GPHN: variants seen among roughly 807,000 people sequenced by gnomAD.
The protein encoded by GPHN is gephyrin.
GPHN carries 17 observed loss-of-function variants against 95.5 expected under a neutral mutation model. The observed-to-expected ratio is 0.18, with a 90% confidence interval of 0.12 to 0.27. The LOEUF is 0.27. Ranked by LOEUF, GPHN falls within the 10% of genes least tolerant of loss-of-function variation. The probability of loss-of-function intolerance (pLI) is 1.00; values close to 1 mark genes in which losing one functional copy is unlikely to be tolerated. For missense variants in GPHN, 660 were observed against 978.1 expected (o/e 0.67, Z 4.34); for synonymous variants, 320 against 322.5 (o/e 0.99, Z 0.08).
intron 1 of GPHN, among the ~76,000 whole-genome samples, chr14:66,559,009 T>C (rs548347444): frequency 1.3e-5 from 2 of 152,036 alleles, no homozygotes; most frequent in Non-Finnish European, 2.9e-5. Flanking sequence ...GTCCTTGCGA[T>C]AGTTTACTGA....
the GPHN span, chr14:67,222,161 C>A: frequency 4.4e-6 from 1 of 228,716 alleles, no homozygotes; most frequent in Non-Finnish European, 8.4e-6. Flanking sequence ...TAGGACCTGC[C>A]ATCCTTGCTG....
intron 1 of GPHN, among the ~76,000 whole-genome samples, chr14:66,668,230 C>G (rs1238497015): frequency 6.6e-6 from 1 of 152,168 alleles, no homozygotes; most frequent in Non-Finnish European, 1.5e-5. Context: ...GTGGCAATTC[C>G]TCAAAGACCT....
chr14:67,653,399 T>G, the GPHN span: 15 of 1,592,366 alleles, frequency 9.4e-6, no homozygotes, highest in African/African-American at 1.3e-5. Context: ...TGAAAGCCAC[T>G]GAGTTAAGAG....
the GPHN span, among the ~76,000 whole-genome samples, chr14:67,306,335 C>T: frequency 6.6e-6 from 1 of 151,768 alleles, no homozygotes; most frequent in African/African-American, 2.4e-5. Flanking sequence ...TCTTTTCCTT[C>T]TTTTCTCTTT....
At chr14:67,274,071 T>C in the GPHN span, among the ~76,000 whole-genome samples, 1 of 152,200 alleles carries the variant, frequency 6.6e-6, no homozygotes, top group Non-Finnish European at 1.5e-5. Flanking sequence ...ATTCTGTAGG[T>C]TGCCTGTTCA....
chr14:67,491,367 G>A, the GPHN span, among the ~76,000 whole-genome samples: 3 of 152,074 alleles, frequency 2.0e-5, no homozygotes, highest in African/African-American at 4.8e-5. Flanking sequence ...GAGGTTGGAG[G>A]GTGAGGCCAA....
At chr14:67,731,618 TTAATA>T in the GPHN span, among the ~76,000 whole-genome samples, 9 of 151,986 alleles carry the variant, frequency 5.9e-5, no homozygotes, top group African/African-American at 2.2e-4. Context: ...ATATCATATT[TTAATA>T]TAATATGTAA....
the GPHN span, among the ~76,000 whole-genome samples, chr14:67,636,564 T>C: frequency 6.6e-6 from 1 of 152,246 alleles, no homozygotes; most frequent in African/African-American, 2.4e-5. Flanking sequence ...TTCACAGATA[T>C]TGCTAAGGTC....
chr14:66,959,186 T>C (rs114877284), intron 8 of GPHN, among the ~76,000 whole-genome samples: 363 of 152,264 alleles, frequency 2.4e-3, no homozygotes, highest in African/African-American at 8.1e-3. Flanking sequence ...ATCATTGCTT[T>C]ATGTAGTTTT....
chr14:67,559,515 C>T, the GPHN span: 62 of 793,910 alleles, frequency 7.8e-5, no homozygotes, highest in South Asian at 7.2e-4. Context: ...GTCAGTGGCA[C>T]GCACACTTGG....
chr14:66,756,121 G>T (rs945828748), intron 2 of GPHN, among the ~76,000 whole-genome samples: 1 of 152,020 alleles, frequency 6.6e-6, no homozygotes, highest in African/African-American at 2.4e-5. Flanking sequence ...AAAAGTTTTT[G>T]TTGAATATAT....
chr14:67,697,602 T>C, the GPHN span, among the ~76,000 whole-genome samples: 38 of 152,212 alleles, frequency 2.5e-4, no homozygotes, highest in Non-Finnish European at 5.6e-4. Context: ...ATTTTCCCTA[T>C]TTTACAGACA....
chr14:66,656,556 C>A (rs1018799446), intron 1 of GPHN, among the ~76,000 whole-genome samples: 5 of 152,144 alleles, frequency 3.3e-5, no homozygotes, highest in African/African-American at 1.2e-4. Context: ...GGCAATCCTG[C>A]ATCAAGCGAG....
At chr14:66,978,837 C>T (rs778509000) in intron 9 of GPHN, among the ~76,000 whole-genome samples, 4 of 152,110 alleles carry the variant, frequency 2.6e-5, no homozygotes, top group East Asian at 1.9e-4. Flanking sequence ...TATAGCCTTA[C>T]GAAATCTATT....
the GPHN span, among the ~76,000 whole-genome samples, chr14:67,236,374 C>T: frequency 6.6e-6 from 1 of 152,088 alleles, no homozygotes; most frequent in East Asian, 1.9e-4. Context: ...TGGTATAAGA[C>T]CTTTTCTTTC....
chr14:67,727,485 G>GTTTT, the GPHN span: 4 of 259,666 alleles, frequency 1.5e-5, no homozygotes, highest in East Asian at 1.1e-4. Flanking sequence ...TGTTTTTTTT[G>GTTTT]TTTTTTTTTT....
At chr14:67,550,919 CAG>C in the GPHN span, among the ~76,000 whole-genome samples, 1 of 152,208 alleles carries the variant, frequency 6.6e-6, no homozygotes, top group East Asian at 1.9e-4. Flanking sequence ...GAGATACTAA[CAG>C]TACCTGCCTT....
At chr14:66,583,980 A>G (rs1027058159) in intron 1 of GPHN, among the ~76,000 whole-genome samples, 1 of 152,178 alleles carries the variant, frequency 6.6e-6, no homozygotes, top group Non-Finnish European at 1.5e-5. Flanking sequence ...CTTGGGCAGT[A>G]TGGCCATTTT....
chr14:66,815,376 A>T (rs2060920425), intron 3 of GPHN, among the ~76,000 whole-genome samples: 1 of 152,174 alleles, frequency 6.6e-6, no homozygotes, highest in Non-Finnish European at 1.5e-5. Flanking sequence ...AGATTCTCCC[A>T]AGTAAAAATG....
Sources: gnomAD v4.1 joint callset for allele counts (sites outside exome capture counted in the v4.1 genomes callset) on GRCh38, gnomAD v4.1.1 for gene constraint, MANE v1.5 for transcripts, NCBI Gene and HGNC (gene_info 2026-07-23, HGNC 2026-07-21) for gene names.